Variants in HUWE1 observed in about 807,000 individuals in gnomAD.
HUWE1 encodes the protein E3 ubiquitin-protein ligase HUWE1.
A neutral mutation model predicts 299.4 loss-of-function variants in HUWE1; 18 were observed. The ratio of observed to expected loss-of-function variants is 0.06; its 90% confidence interval spans 0.04 to 0.09. HUWE1 has a LOEUF of 0.09. HUWE1 is among the 10% of genes least tolerant of loss of function. The pLI is 1.00. For missense variants in HUWE1, 1,832 were observed against 3,462.3 expected (o/e 0.53, Z 11.82); for synonymous variants, 1,317 against 1,286.1 (o/e 1.02, Z -0.51).
At chrX:53,639,125 A>G (rs1369109955) in intron 7 of HUWE1, among the ~76,000 whole-genome samples, 1 of 112,521 alleles carries the variant, frequency 8.9e-6, no homozygotes, top group Non-Finnish European at 1.9e-5. Context: ...AAGATGACAA[A>G]GGACTAATAT....
chrX:53,625,459 A>T (rs1603180555), intron 17 of HUWE1: 2 of 375,155 alleles, frequency 5.3e-6, no homozygotes, highest in East Asian at 8.7e-5. Flanking sequence ...TAATTTTACC[A>T]ATACTAAAAG....
intron 39 of HUWE1, among the ~76,000 whole-genome samples, 174 bp from the exon 40 acceptor site, chrX:53,585,362 GTC>G (rs1460101408): frequency 8.9e-6 from 1 of 112,426 alleles, no homozygotes; most frequent in African/African-American, 3.2e-5. Context: ...ACATTCCTTA[GTC>G]TCTCTGCTAC....
intron 19 of HUWE1, among the ~76,000 whole-genome samples, chrX:53,618,880 G>GAA (rs1273181016): frequency 2.1e-5 from 2 of 94,439 alleles, no homozygotes; most frequent in African/African-American, 3.8e-5. Flanking sequence ...TTTAAAAGGG[G>GAA]AAAAAAAAAA....
intron 42 of HUWE1, among the ~76,000 whole-genome samples, chrX:53,582,383 G>C (rs927897885): frequency 2.5e-4 from 28 of 112,155 alleles, no homozygotes; most frequent in Non-Finnish European, 4.5e-4. Context: ...CTCTTGATTT[G>C]GCACATGTGA....
intron 29 of HUWE1, among the ~76,000 whole-genome samples, chrX:53,597,204 G>C (rs1262641044): frequency 6.3e-5 from 7 of 110,971 alleles, no homozygotes; most frequent in Non-Finnish European, 1.1e-4. Flanking sequence ...CAAGATAATA[G>C]GAGAAGCAGC....
intron 81 of HUWE1, 92 bp downstream of exon 81, chrX:53,535,292 T>C (rs1376115838): frequency 9.8e-6 from 6 of 609,809 alleles, no homozygotes; most frequent in Non-Finnish European, 1.7e-5. Flanking sequence ...GGCTCTGTCA[T>C]AGCAGAGGAA....
rs782755235 is a variant in HUWE1, at chrX:53,645,331, G to T, written c.484C>A (p.Arg162=). The part of the protein sequence containing the change: ...GSDKRTPLLT[R]LQHLAESWGG... ...CTCACCTCTGCCAAATGTTGTAGCC[G>T]AGTTAGCAGCGGGGTCCTCTTGTCA... The change falls in exon 7 of 84, where the codon CGG becomes AGG. Residue 162 remains arginine, a synonymous_variant. Transcript: ENST00000262854. 1 of 1,211,044 alleles carries T rather than the reference G, an allele frequency of 8.3e-7. No individual in the cohort carries two copies.
chrX:53,558,864 CAA>C, intron 58 of HUWE1, 55 bp from the exon 59 acceptor site: 1 of 1,192,352 alleles, frequency 8.4e-7, no homozygotes, highest in South Asian at 1.8e-5. Flanking sequence ...GGGAGGAAGC[CAA>C]GAGGCAGAGC....
chrX:53,559,613 G>A, intron 56 of HUWE1, 81 bp from the exon 57 acceptor site: 1 of 815,540 alleles, frequency 1.2e-6, no homozygotes, highest in Non-Finnish European at 1.8e-6. Flanking sequence ...TCCTCTTCAT[G>A]CATCCTCTAT....
chrX:53,579,193 A>G (rs1265152504), intron 43 of HUWE1, among the ~76,000 whole-genome samples: 15 of 1,207 alleles, frequency 0.012, no homozygotes, highest in East Asian at 0.059. Flanking sequence ...TCCGGGAGGG[A>G]GGTGGGGGGG....
chrX:53,560,209 T>G lies in HUWE1; in HGVS notation c.7715A>C (p.Asn2572Thr), dbSNP rs1198895161. The G allele has an allele frequency of 8.4e-7, 1 of 1,188,991 alleles. No individual in the cohort carries two copies. The highest frequency in any genetic ancestry group is 3.1e-5 in the East Asian group (1 of 32,518). The change falls in exon 56 of 84, where the codon AAC becomes ACC. Residue 2572 changes from asparagine (N) to threonine (T), a missense_variant. Physicochemically the swap from Asn to Thr is moderately conservative, Grantham distance 65 (BLOSUM62 0). Around this residue, in one of 15 missense-constraint regions of HUWE1, gnomAD observed 170 missense variants for 335.8 expected, o/e 0.51. Transcript: ENST00000262854. ...HVHYPGNRQP[N>T]PPLILQRLLG... ...TCACCTCTGCAGTATAAGAGGAGGG[T>G]TGGGCTGGCGATTCCCAGGGTAGTG...
chrX:53,623,557 T>C (rs1337045478), intron 19 of HUWE1, among the ~76,000 whole-genome samples: 2 of 111,633 alleles, frequency 1.8e-5, no homozygotes, highest in African/African-American at 6.5e-5. Context: ...TATTAAATGC[T>C]TTTCCCTCTA....
chrX:53,545,962 T>C lies in HUWE1; in HGVS notation c.10915+474A>G, dbSNP rs76129930. 4.7e-4 allele frequency among the ~76,000 whole-genome samples: 52 copies of C among 111,711 alleles called. 1 individual carries two copies. In the East Asian group the frequency reaches 9.8e-3, roughly 21 times the overall value. ...CTCAGTAAAACAGGGAGGAAGATGA[T>C]AGAAACGAGGTAATTTGTAACTGTT... is the stretch of plus-strand genomic sequence containing the variant. On this transcript the variant is annotated intron_variant, in intron 70 of 83. Transcript: ENST00000262854.
At chrX:53,648,333 A>G in intron 4 of HUWE1, 23 bp from the exon 5 acceptor site, 2 of 1,014,041 alleles carry the variant, frequency 2.0e-6, no homozygotes, top group Non-Finnish European at 1.4e-6. Flanking sequence ...AAGTATTCAC[A>G]AAAGATGTTT....
chrX:53,621,430 T>C (rs1214420568), intron 19 of HUWE1, among the ~76,000 whole-genome samples: 1 of 108,781 alleles, frequency 9.2e-6, no homozygotes, highest in Non-Finnish European at 1.9e-5. Context: ...GGCAAAGGGA[T>C]ACTGAGTTAC....
chrX:53,686,036 T>C (rs1178120508), intron 2 of HUWE1, among the ~76,000 whole-genome samples: 1 of 112,166 alleles, frequency 8.9e-6, no homozygotes, highest in Non-Finnish European at 1.9e-5. Context: ...CTACAAGACA[T>C]ATTCTCAGAT....
chrX:53,548,288 A>G lies in HUWE1; in HGVS notation c.10036-15T>C, dbSNP rs782231009. The stretch of plus-strand genomic sequence containing the variant: ...CTGGGAAATACCTGCCGGGAAAAGG[A>G]GGACAAGGCTTGGTCTAGGACGTCT... On this transcript the variant is annotated splice_polypyrimidine_tract_variant and intron_variant, in intron 67 of 83. Coordinates refer to ENST00000262854, the MANE Select transcript of HUWE1 (RefSeq NM_031407.7). 9.2e-5 allele frequency: 111 copies of G among 1,204,891 alleles called. No homozygotes were observed. The highest frequency in any genetic ancestry group is 1.2e-4 in the Non-Finnish European group (105 of 892,107).
At chrX:53,628,005 G>A in intron 15 of HUWE1, 126 bp from the exon 16 acceptor site, 1 of 606,150 alleles carries the variant, frequency 1.6e-6, no homozygotes, top group South Asian at 2.6e-5. Flanking sequence ...GAAAACATGT[G>A]TTTTATTTTT....
chrX:53,619,916 T>C (rs1017840120), intron 19 of HUWE1, among the ~76,000 whole-genome samples: 15 of 112,099 alleles, frequency 1.3e-4, no homozygotes. Context: ...CCTCCCAATA[T>C]GTTCTTTGTG....
Sources: allele counts gnomAD v4.1 joint callset (sites outside exome capture counted in the v4.1 genomes callset), GRCh38; gene constraint gnomAD v4.1.1; regional missense constraint gnomAD v4.1.1; transcripts MANE v1.5; gene names NCBI Gene and HGNC (gene_info 2026-07-23, HGNC 2026-07-21).